The following HMBOX1 variants were observed in gnomAD, a reference collection of about 807,000 sequenced individuals.
The protein encoded by HMBOX1 is homeobox containing 1.
In HMBOX1, 14 loss-of-function variants were observed where a neutral mutation model predicts 54.5. The observed-to-expected ratio is 0.26, with a 90% CI of 0.17 to 0.40. The LOEUF (loss-of-function observed/expected upper bound fraction) is 0.40, where lower values mean the gene tolerates loss of function less well. Among genes scored for constraint, HMBOX1 ranks in the 10% least tolerant of loss-of-function variants. The probability of loss-of-function intolerance (pLI) is 1.00; values close to 1 mark genes in which losing one functional copy is unlikely to be tolerated. For missense variants in HMBOX1, 332 were observed against 514.4 expected, an observed-to-expected ratio of 0.65 and a Z score of 3.43; for synonymous variants, 160 against 181.0, an observed-to-expected ratio of 0.88 and a Z score of 0.93.
At chr8:29,002,943 T>A (rs1381685153) in intron 4 of HMBOX1, among the ~76,000 whole-genome samples, 2 of 152,172 alleles carry the variant, frequency 1.3e-5, no homozygotes, top group African/African-American at 4.8e-5. Context: ...TTGCTTAGGA[T>A]TTTTAAAATA....
At chr8:29,016,118 G>T (rs1834956808) in intron 5 of HMBOX1, among the ~76,000 whole-genome samples, 1 of 152,102 alleles carries the variant, frequency 6.6e-6, no homozygotes, top group African/African-American at 2.4e-5. Flanking sequence ...TGATATTCAA[G>T]CCCATTGGCC....
chr8:29,009,585 T>C (rs2132847885), intron 5 of HMBOX1: 1 of 989,750 alleles, frequency 1.0e-6, no homozygotes, highest in Non-Finnish European at 1.2e-6. Flanking sequence ...TTAATATTTT[T>C]ATTTAATTCA....
intron 1 of HMBOX1, among the ~76,000 whole-genome samples, chr8:28,910,454 A>G (rs1815200077): frequency 6.6e-6 from 1 of 152,128 alleles, no homozygotes. Context: ...CTTGCATGGT[A>G]TCTATGTTTA....
At chr8:28,901,289 AG>A (rs1488332621) in intron 1 of HMBOX1, among the ~76,000 whole-genome samples, 2 of 151,758 alleles carry the variant, frequency 1.3e-5, no homozygotes, top group Non-Finnish European at 2.9e-5. Flanking sequence ...TTTAGCTCTT[AG>A]CTGCATTTGA....
At chr8:28,968,558 T>G (rs1826840437) in intron 2 of HMBOX1, among the ~76,000 whole-genome samples, 1 of 152,148 alleles carries the variant, frequency 6.6e-6, no homozygotes, top group Non-Finnish European at 1.5e-5. Flanking sequence ...ACATCTACCA[T>G]GGGGAGTTGC....
chr8:28,902,852 G>A (rs1304014946), intron 1 of HMBOX1, among the ~76,000 whole-genome samples: 3 of 152,162 alleles, frequency 2.0e-5, no homozygotes, highest in African/African-American at 7.2e-5. Flanking sequence ...CAAAGAGCAT[G>A]TATGATGGAA....
chr8:29,048,434 C>G (rs1805929859), intron 8 of HMBOX1: 1 of 152,104 alleles, frequency 6.6e-6, no homozygotes, highest in Non-Finnish European at 1.5e-5. Flanking sequence ...AAAACTGTAA[C>G]AGTAATAAAT....
At chr8:28,902,412 C>G (rs1007516615) in intron 1 of HMBOX1, among the ~76,000 whole-genome samples, 1 of 152,074 alleles carries the variant, frequency 6.6e-6, no homozygotes, top group Non-Finnish European at 1.5e-5. Context: ...GTAGGCCTAC[C>G]GTTCAGGAAG....
chr8:28,899,241 A>G (rs1352369111), intron 1 of HMBOX1, among the ~76,000 whole-genome samples: 1 of 152,212 alleles, frequency 6.6e-6, no homozygotes, highest in Non-Finnish European at 1.5e-5. Context: ...CTAACCTACT[A>G]AGCATGAAAG....
intron 6 of HMBOX1, among the ~76,000 whole-genome samples, chr8:29,037,256 G>A (rs2133253318): frequency 1.3e-5 from 2 of 152,226 alleles, no homozygotes; most frequent in Non-Finnish European, 2.9e-5. Flanking sequence ...TCTTTTGTTT[G>A]TTATACCTCA....
chr8:28,922,405 G>A (rs1197328327), intron 1 of HMBOX1, among the ~76,000 whole-genome samples: 1 of 152,068 alleles, frequency 6.6e-6, no homozygotes, highest in Non-Finnish European at 1.5e-5. Context: ...AGATACCAAG[G>A]GACAACTGTA....
intron 4 of HMBOX1, among the ~76,000 whole-genome samples, chr8:28,981,307 G>A (rs891864576): frequency 5.3e-5 from 8 of 152,094 alleles, no homozygotes; most frequent in East Asian, 1.9e-4. Context: ...GGTGTCCTTC[G>A]GTGTAGAAGT....
intron 1 of HMBOX1, among the ~76,000 whole-genome samples, chr8:28,924,146 GC>G (rs1818012030): frequency 6.8e-6 from 1 of 147,274 alleles, no homozygotes; most frequent in Non-Finnish European, 1.5e-5. Flanking sequence ...TAGCTCTGTC[GC>G]CCAGGCTGGA....
rs1818791222 is a variant in HMBOX1 at position 28,927,780 on chromosome 8, A to G, written c.-57-36031A>G. On this transcript the variant is annotated intron_variant, in intron 1 of 9. Transcript: ENST00000287701. ...TTTGGGAGGCCAAGGTGGGCAGATC[A>G]TCTGAGGTTGGGAGTTTTGTTGCAT... Among the ~76,000 whole-genome samples, 2 of 139,116 alleles carry G rather than the reference A, an allele frequency of 1.4e-5. 1 individual carries two copies. Among genetic ancestry groups the G allele is most frequent in the African/African-American group, 5.3e-5 (2 of 37,568 alleles). 91.3% of individuals were successfully genotyped at this position (139,116 alleles called of 152,430 possible). A position where few individuals can be genotyped will look rare whatever the true frequency, so the allele number is the denominator to read the frequency against.
intron 1 of HMBOX1, among the ~76,000 whole-genome samples, chr8:28,927,439 T>A (rs1436276725): frequency 1.3e-5 from 2 of 152,132 alleles, no homozygotes; most frequent in African/African-American, 2.4e-5. Flanking sequence ...CACCAGCGTC[T>A]GCATCTGGTG....
intron 1 of HMBOX1, among the ~76,000 whole-genome samples, chr8:28,946,579 A>AT (rs1339728351): frequency 0.015 from 2,290 of 150,292 alleles, 63 homozygotes; most frequent in African/African-American, 0.053. Flanking sequence ...CAAAAAAAAA[A>AT]AAATATATAC....
chr8:28,976,622 A>G (rs1828419205), intron 3 of HMBOX1, among the ~76,000 whole-genome samples: 1 of 151,862 alleles, frequency 6.6e-6, no homozygotes, highest in Admixed American at 6.6e-5. Flanking sequence ...GCACAACCTT[A>G]TCTTTTAAGT....
At chr8:28,900,267 A>ATATATATATATATATATATATAT (rs1243910972) in intron 1 of HMBOX1, among the ~76,000 whole-genome samples, 4 of 54,504 alleles carry the variant, frequency 7.3e-5, no homozygotes, top group Non-Finnish European at 1.7e-4. Flanking sequence ...AAAAAAAAAA[A>ATATATATATATATATATATATAT]AAAAATATAT....
At chr8:28,984,070 T>C (rs1465268909) in intron 4 of HMBOX1, among the ~76,000 whole-genome samples, 1 of 152,220 alleles carries the variant, frequency 6.6e-6, no homozygotes, top group East Asian at 1.9e-4. Flanking sequence ...GTCCTCGTAA[T>C]TGGTCTAACT....
Sources: gnomAD v4.1 joint callset for allele counts (sites outside exome capture counted in the v4.1 genomes callset) on GRCh38, gnomAD v4.1.1 for gene constraint, MANE v1.5 for transcripts, NCBI Gene and HGNC (gene_info 2026-07-23, HGNC 2026-07-21) for gene names.